ANK3: variants seen among roughly 807,000 people sequenced by gnomAD.
The protein encoded by ANK3 is ankyrin 3, also known as ankyrin-3.
ANK3 carries 57 observed loss-of-function variants against 370.9 expected under a neutral mutation model. The observed-to-expected ratio is 0.15, with a 90% CI of 0.12 to 0.19. The LOEUF (loss-of-function observed/expected upper bound fraction) is 0.19. ANK3 is among the 10% of genes least tolerant of loss of function. The pLI is 1.00. For missense variants in ANK3, 4,439 were observed against 5,302.1 expected (o/e 0.84, Z 5.06); for synonymous variants, 1,929 against 1,946.3 (o/e 0.99, Z 0.23).
chr10:60,420,125 GCT>G (rs1414276265), intron 2 of ANK3, among the ~76,000 whole-genome samples: 2 of 152,106 alleles, frequency 1.3e-5, no homozygotes, highest in African/African-American at 4.8e-5. Flanking sequence ...CACCAGAGCA[GCT>G]CTGTTTATAT....
At chr10:60,588,213 C>T (rs1313951148) in intron 2 of ANK3, among the ~76,000 whole-genome samples, 1 of 141,136 alleles carries the variant, frequency 7.1e-6, no homozygotes, top group Admixed American at 7.2e-5. Context: ...GAGATGGATT[C>T]TCACTTTGTC....
chr10:60,373,712 GA>G (rs1257793630), intron 1 of ANK3, among the ~76,000 whole-genome samples: 5 of 152,176 alleles, frequency 3.3e-5, no homozygotes, highest in East Asian at 1.9e-4. Flanking sequence ...AGGTGGCATG[GA>G]GGATCTCTCC....
chr10:60,434,540 A>T (rs2064110503), intron 2 of ANK3, among the ~76,000 whole-genome samples: 1 of 152,228 alleles, frequency 6.6e-6, no homozygotes, highest in Admixed American at 6.5e-5. Flanking sequence ...CTCCTAGTTC[A>T]GAATTGTATA....
At chr10:60,456,767 C>A (rs775170736) in intron 2 of ANK3, among the ~76,000 whole-genome samples, 2 of 152,160 alleles carry the variant, frequency 1.3e-5, no homozygotes, top group African/African-American at 2.4e-5. Context: ...GACTCAAGTC[C>A]TGGCTTATGA....
chr10:60,392,169 G>A (rs1382601588), upstream of ANK3, among the ~76,000 whole-genome samples: 2 of 152,082 alleles, frequency 1.3e-5, no homozygotes, highest in African/African-American at 4.8e-5. Context: ...CAACACAAAG[G>A]CATTGACTCA....
intron 5 of ANK3, among the ~76,000 whole-genome samples, chr10:60,269,778 T>A (rs1566125809): frequency 6.6e-6 from 1 of 152,074 alleles, no homozygotes; most frequent in Non-Finnish European, 1.5e-5. Flanking sequence ...AAAACTAATG[T>A]TTTATTGAAA....
At chr10:60,317,977 G>A (rs1468238667) in intron 1 of ANK3, among the ~76,000 whole-genome samples, 1 of 151,728 alleles carries the variant, frequency 6.6e-6, no homozygotes, top group African/African-American at 2.4e-5. Flanking sequence ...CGGCCTTCAT[G>A]AGAGAATTTT....
intron 2 of ANK3, among the ~76,000 whole-genome samples, chr10:60,469,255 G>GTA (rs1161051075): frequency 0.44 from 278 of 636 alleles, 50 homozygotes; most frequent in East Asian, 0.67. Flanking sequence ...TTTAGTGTGT[G>GTA]TATATATATA....
chr10:60,151,801 T>C (rs1023794985), intron 23 of ANK3, among the ~76,000 whole-genome samples: 3 of 152,216 alleles, frequency 2.0e-5, no homozygotes, highest in Non-Finnish European at 4.4e-5. Flanking sequence ...ACAACATCTA[T>C]ATTAGAAGTA....
chr10:60,226,462 T>C (rs1412732730), intron 8 of ANK3, among the ~76,000 whole-genome samples: 1 of 112,964 alleles, frequency 8.9e-6, no homozygotes, highest in East Asian at 2.8e-4. Flanking sequence ...ATATAGTATA[T>C]ATACATAGTA....
chr10:60,197,439 AC>A (rs2096604616), intron 14 of ANK3, among the ~76,000 whole-genome samples: 1 of 152,202 alleles, frequency 6.6e-6, no homozygotes, highest in Admixed American at 6.5e-5. Context: ...ACCTCATGAG[AC>A]TACAGCAAAC....
In ANK3 at chr10:60,485,293, ACACCTC is replaced by A. The variant is rs563542912; in HGVS notation, c.96+129887_96+129892del. ...ATCCCAGTGCTCACCAGAGATTATGACACCTCCAATTTTAGGAAGGCTACAGTCTCG... is the reference window on the plus strand; with the variant it reads ...ATCCCAGTGCTCACCAGAGATTATGACAATTTTAGGAAGGCTACAGTCTCG... On this transcript the variant is annotated intron_variant, in intron 2 of 43. Coordinates refer to the ANK3 transcript ENST00000373827. Among the ~76,000 whole-genome samples the A allele has an allele frequency of 3.3e-3, 462 of 141,408 alleles. 8 individuals carry two copies. Among genetic ancestry groups the A allele is most frequent in the African/African-American group, 0.011 (444 of 39,182 alleles). 92.8% of individuals were successfully genotyped at this position (141,408 alleles called of 152,430 possible).
chr10:60,678,945 A>G (rs1004949693), intron 1 of ANK3, among the ~76,000 whole-genome samples: 1 of 152,246 alleles, frequency 6.6e-6, no homozygotes, highest in African/African-American at 2.4e-5. Flanking sequence ...CTGATCACAG[A>G]AAACAGGTTG....
intron 2 of ANK3, among the ~76,000 whole-genome samples, chr10:60,513,752 A>G (rs1022375669): frequency 6.6e-6 from 1 of 152,162 alleles, no homozygotes; most frequent in Admixed American, 6.6e-5. Flanking sequence ...AAACATGTTT[A>G]ACAGACATTC....
intron 2 of ANK3, among the ~76,000 whole-genome samples, chr10:60,548,992 T>C (rs1181742779): frequency 6.6e-6 from 1 of 152,140 alleles, no homozygotes; most frequent in African/African-American, 2.4e-5. Context: ...AATTCCTCAA[T>C]TGGAATATTG....
Position 60,071,189 on chromosome 10 carries a change from T to A in ANK3, c.9692A>T (p.Glu3231Val). Reference sequence around the variant, plus strand: ...GTCTTTGCTCACGTCATTAGGCATTTCACGCTCAACTGCTGTTTCCTCCAC... The same window carrying A: ...GTCTTTGCTCACGTCATTAGGCATTACACGCTCAACTGCTGTTTCCTCCAC... ...TTVEETAVER[E>V]MPNDVSKDSN... Residue 3231 changes from glutamate (E) to valine (V), a missense_variant, in exon 37 of 44, where the codon GAA becomes GTA. This residue lies in a region of ANK3 where 1,601 missense variants were observed against 1,731.7 expected (regional missense o/e 0.92). Coordinates refer to ENST00000280772, the MANE Select transcript of ANK3 (RefSeq NM_020987.5). 6.2e-7 allele frequency: 1 copy of A among 1,614,172 alleles called. No individual in the cohort carries two copies. The highest frequency in any genetic ancestry group is 8.5e-7 in the Non-Finnish European group (1 of 1,180,014).
At chr10:60,520,917 C>G (rs1039888493) in intron 2 of ANK3, among the ~76,000 whole-genome samples, 2 of 148,510 alleles carry the variant, frequency 1.3e-5, no homozygotes, top group African/African-American at 5.0e-5. Context: ...AATCATTTTT[C>G]CATTTTACAA....
At chr10:60,272,636 C>T (rs558317346) in intron 4 of ANK3, among the ~76,000 whole-genome samples, 5 of 152,136 alleles carry the variant, frequency 3.3e-5, no homozygotes, top group African/African-American at 4.8e-5. Context: ...TGTGCCACCT[C>T]GCCCGGCTAA....
intron 21 of ANK3, among the ~76,000 whole-genome samples, chr10:60,171,095 A>G (rs892847324): frequency 6.6e-6 from 1 of 152,162 alleles, no homozygotes; most frequent in Non-Finnish European, 1.5e-5. Flanking sequence ...TATTGGTTTG[A>G]ACACTTTTTT....
Sources: allele counts gnomAD v4.1 joint callset (sites outside exome capture counted in the v4.1 genomes callset), GRCh38; gene constraint gnomAD v4.1.1; regional missense constraint gnomAD v4.1.1; transcripts MANE v1.5; gene names NCBI Gene and HGNC (gene_info 2026-07-23, HGNC 2026-07-21).